Variants in PLEKHA5 observed in about 807,000 individuals in gnomAD.
PLEKHA5 encodes the protein pleckstrin homology domain containing A5.
PLEKHA5 carries 55 observed loss-of-function variants against 181.9 expected under a neutral mutation model. That is an observed-to-expected ratio of 0.30 (90% CI 0.24 to 0.38). The LOEUF (loss-of-function observed/expected upper bound fraction) is 0.38, where lower values mean the gene tolerates loss of function less well. Among genes scored for constraint, PLEKHA5 ranks in the 10% least tolerant of loss-of-function variants. PLEKHA5 has a pLI of 1.00. For synonymous variants in PLEKHA5, 535 were observed against 529.4 expected (o/e 1.01, Z -0.15); for missense variants, 1,432 against 1,549.5 (o/e 0.92, Z 1.27).
At chr12:19,186,392 T>G (rs1185192788) in intron 3 of PLEKHA5, among the ~76,000 whole-genome samples, 1 of 152,188 alleles carries the variant, frequency 6.6e-6, no homozygotes, top group Non-Finnish European at 1.5e-5. Context: ...TGATTGTTTC[T>G]TTCTGGTCAC....
intron 3 of PLEKHA5, among the ~76,000 whole-genome samples, chr12:19,245,549 G>A (rs2063506404): frequency 6.6e-6 from 1 of 151,748 alleles, no homozygotes; most frequent in Admixed American, 6.6e-5. Flanking sequence ...CCAATATGGT[G>A]AAACCCCGTC....
chr12:19,333,514 G>A (rs1207110367), intron 20 of PLEKHA5, among the ~76,000 whole-genome samples: 6 of 151,178 alleles, frequency 4.0e-5, no homozygotes, highest in African/African-American at 7.3e-5. Flanking sequence ...ACTTGAACCC[G>A]GGAGGCAGAG....
intron 20 of PLEKHA5, among the ~76,000 whole-genome samples, chr12:19,335,582 A>ATTTTTTT (rs34158055): frequency 9.3e-6 from 1 of 108,000 alleles, no homozygotes; most frequent in Non-Finnish European, 1.9e-5. Flanking sequence ...CGCCTGGCTA[A>ATTTTTTT]TTTTTTTTTT....
At chr12:19,297,838 G>A (rs1317537066) in intron 15 of PLEKHA5, among the ~76,000 whole-genome samples, 2 of 151,020 alleles carry the variant, frequency 1.3e-5, no homozygotes, top group African/African-American at 2.4e-5. Flanking sequence ...AACAGAGTCA[G>A]CACCTATATA....
In PLEKHA5 at chr12:19,367,292, T is replaced by G. The variant is rs1237088677; in HGVS notation, c.3754+1183T>G. 5.5e-5 allele frequency among the ~76,000 whole-genome samples: 7 copies of G among 128,000 alleles called. No homozygotes were observed. The Admixed American group carries it at 6.4e-4, about 12-fold the overall frequency. The allele number at this position is 128,000 out of a possible 152,430, so 84.0% of individuals were successfully genotyped here. A position where few individuals can be genotyped will look rare whatever the true frequency, so the allele number is the denominator to read the frequency against. On this transcript the variant is annotated intron_variant, in intron 30 of 31. Coordinates refer to ENST00000429027, the MANE Select transcript of PLEKHA5 (RefSeq NM_001256470.2). ...TTTTTTTTTTTTTTTTTGAAGCTCTTTCACCCAGGCTGGAGTGATGTGGCG... is the reference window on the plus strand; with the variant it reads ...TTTTTTTTTTTTTTTTTGAAGCTCTGTCACCCAGGCTGGAGTGATGTGGCG...
intron 3 of PLEKHA5, among the ~76,000 whole-genome samples, chr12:19,188,462 T>C (rs993132978): frequency 2.6e-5 from 4 of 152,216 alleles, no homozygotes; most frequent in Admixed American, 6.5e-5. Flanking sequence ...AAGAAAAATA[T>C]AGGAAGATAA....
chr12:19,163,822 C>T (rs186533551), intron 3 of PLEKHA5, among the ~76,000 whole-genome samples: 1 of 152,198 alleles, frequency 6.6e-6, no homozygotes, highest in Non-Finnish European at 1.5e-5. Flanking sequence ...AACCTCCTAA[C>T]CACCTCTGTA....
intron 3 of PLEKHA5, among the ~76,000 whole-genome samples, chr12:19,141,798 G>T (rs548946453): frequency 9.9e-5 from 15 of 151,370 alleles, no homozygotes; most frequent in African/African-American, 3.6e-4. Flanking sequence ...ACCTCACCCT[G>T]CTAGGTGAGG....
At chr12:19,336,693 G>C (rs542571764) in intron 21 of PLEKHA5, 77 bp downstream of exon 21, 1 of 775,012 alleles carries the variant, frequency 1.3e-6, no homozygotes, top group East Asian at 2.8e-5. Flanking sequence ...TTAGATTTAC[G>C]CATACCCATA....
At chr12:19,253,820 C>T (rs377025976) in intron 3 of PLEKHA5, 120 bp from the exon 4 acceptor site, 1 of 732,230 alleles carries the variant, frequency 1.4e-6, no homozygotes, top group South Asian at 1.6e-5. Context: ...AACTCCGTCT[C>T]AAAAACAAAA....
intron 3 of PLEKHA5, among the ~76,000 whole-genome samples, chr12:19,234,215 G>A (rs1259414920): frequency 6.6e-6 from 1 of 152,210 alleles, no homozygotes; most frequent in Non-Finnish European, 1.5e-5. Flanking sequence ...TCAGCTGTCA[G>A]TTTGTTAAGC....
chr12:19,238,010 C>T (rs112543803), intron 3 of PLEKHA5, among the ~76,000 whole-genome samples: 5 of 151,856 alleles, frequency 3.3e-5, no homozygotes, highest in Non-Finnish European at 7.4e-5. Flanking sequence ...TGCTATTTCT[C>T]GCATAATTGT....
chr12:19,319,386 T>A (rs1442142372), intron 16 of PLEKHA5, among the ~76,000 whole-genome samples: 2 of 152,168 alleles, frequency 1.3e-5, no homozygotes, highest in Admixed American at 6.5e-5. Context: ...AACCTTCTCC[T>A]GATTCCCACA....
intron 3 of PLEKHA5, among the ~76,000 whole-genome samples, chr12:19,208,944 A>G (rs1353612368): frequency 6.6e-6 from 1 of 152,192 alleles, no homozygotes; most frequent in Non-Finnish European, 1.5e-5. Flanking sequence ...AAAGTACTAG[A>G]AATTGAATAT....
chr12:19,246,043 A>G (rs2063664335), intron 3 of PLEKHA5, among the ~76,000 whole-genome samples: 1 of 144,144 alleles, frequency 6.9e-6, no homozygotes, highest in South Asian at 2.2e-4. Flanking sequence ...TAGTGGCATG[A>G]TCTTGGCTCA....
intron 3 of PLEKHA5, among the ~76,000 whole-genome samples, chr12:19,218,370 T>A (rs1049747011): frequency 1.3e-5 from 2 of 152,192 alleles, no homozygotes; most frequent in Non-Finnish European, 2.9e-5. Context: ...CCCTGTAATT[T>A]AAAAAAGTCA....
intron 15 of PLEKHA5, among the ~76,000 whole-genome samples, chr12:19,300,604 A>C (rs930267810): frequency 6.6e-6 from 1 of 152,202 alleles, no homozygotes; most frequent in Non-Finnish European, 1.5e-5. Flanking sequence ...CCATGATGCT[A>C]ATGCCCACAA....
intron 3 of PLEKHA5, among the ~76,000 whole-genome samples, chr12:19,217,839 G>C (rs2058239080): frequency 6.6e-6 from 1 of 152,196 alleles, no homozygotes; most frequent in Non-Finnish European, 1.5e-5. Flanking sequence ...AGAGCTGAGG[G>C]AAGAAGTGTG....
At chr12:19,352,315 G>A (rs560518591) in intron 25 of PLEKHA5, among the ~76,000 whole-genome samples, 77 of 151,608 alleles carry the variant, frequency 5.1e-4, no homozygotes, top group African/African-American at 1.8e-3. Context: ...AGCCCAGGAG[G>A]CAGAGGTTGC....
Sources: gnomAD v4.1 joint callset for allele counts (sites outside exome capture counted in the v4.1 genomes callset) on GRCh38, gnomAD v4.1.1 for gene constraint, MANE v1.5 for transcripts, NCBI Gene and HGNC (gene_info 2026-07-23, HGNC 2026-07-21) for gene names.